Variants in RACGAP1 observed in about 807,000 individuals in gnomAD.
RACGAP1 encodes the protein Rac GTPase activating protein 1.
RACGAP1 carries 30 observed loss-of-function variants against 78.1 expected under a neutral mutation model. The observed-to-expected ratio is 0.38, with a 90% confidence interval of 0.29 to 0.52. The LOEUF is 0.52. RACGAP1 is among the 20% of genes least tolerant of loss of function. RACGAP1 has a pLI of 0.82. For missense variants in RACGAP1, 587 were observed against 777.1 expected (o/e 0.76, Z 2.91); for synonymous variants, 231 against 264.8 (o/e 0.87, Z 1.24).
chr12:50,016,039 T>A (rs1949656649), intron 2 of RACGAP1, among the ~76,000 whole-genome samples: 1 of 151,988 alleles, frequency 6.6e-6, no homozygotes, highest in Non-Finnish European at 1.5e-5. Context: ...TTTTCCCAGT[T>A]CATGGCACAG....
Position 50,004,248 on chromosome 12 carries a change from G to A in RACGAP1, c.482C>T (p.Thr161Ile). Residue 161 changes from threonine (T) to isoleucine (I), a missense_variant, in exon 5 of 17, where the codon ACT (threonine) becomes ATT (isoleucine). Transcript: ENST00000312377. The stretch of plus-strand genomic sequence containing the variant: ...AATGTTTATTACCAGTGATTCATCA[G>A]TCTTGTCAAAGCTGATATCTGATAA... Reference protein sequence around the residue: ...SILSDISFDKTDESLDWDSSL... With the variant: ...SILSDISFDKIDESLDWDSSL... 1 of 1,606,126 alleles carries A rather than the reference G, an allele frequency of 6.2e-7. No homozygotes were observed. The highest frequency in any genetic ancestry group is 8.5e-7 in the Non-Finnish European group (1 of 1,173,448).
chr12:50,004,086 T>C, intron 5 of RACGAP1, 149 bp downstream of exon 5: 1 of 1,284,824 alleles, frequency 7.8e-7, no homozygotes, highest in Non-Finnish European at 1.0e-6. Flanking sequence ...TCATGTGGAT[T>C]TATATTTTAA....
chr12:50,006,807 T>C (rs1390190868), intron 2 of RACGAP1, among the ~76,000 whole-genome samples, 171 bp from the exon 3 acceptor site: 2 of 152,208 alleles, frequency 1.3e-5, no homozygotes, highest in Non-Finnish European at 2.9e-5. Context: ...TGTTTGTCAC[T>C]CTGATGAGAA....
intron 10 of RACGAP1, among the ~76,000 whole-genome samples, chr12:49,996,355 G>T (rs186250907): frequency 6.6e-6 from 1 of 151,236 alleles, no homozygotes; most frequent in African/African-American, 2.4e-5. Context: ...ATGACCAGGC[G>T]CGGTGGCTCA....
Position 49,999,259 on chromosome 12 carries a change from G to C in RACGAP1, c.761C>G (p.Pro254Arg). The C allele has an allele frequency of 6.2e-7, 1 of 1,606,840 alleles. No individual in the cohort carries two copies. The highest frequency in any genetic ancestry group is 8.5e-7 in the Non-Finnish European group (1 of 1,178,338). Residue 254 changes from proline (P) to arginine (R), a missense_variant, in exon 9 of 17, where the codon CCT (proline) becomes CGT (arginine). Transcript: ENST00000312377. ...GTTCAGGGTGGAGTCACTGTTCCAA[G>C]GTTGTAAAGTACCTAGAAAACAAGC... ...RSRRKTGTLQ[P>R]WNSDSTLNSR... is the part of the protein sequence containing the mutation.
intron 1 of RACGAP1, chr12:50,021,298 T>C (rs530145366): frequency 1.1e-5 from 2 of 179,364 alleles, no homozygotes; most frequent in Admixed American, 6.5e-5. Context: ...AAACGATCCC[T>C]GCGTGCAGCA....
chr12:50,006,825 G>C (rs963789499), intron 2 of RACGAP1, among the ~76,000 whole-genome samples, 189 bp from the exon 3 acceptor site: 1 of 152,158 alleles, frequency 6.6e-6, no homozygotes, highest in Admixed American at 6.5e-5. Flanking sequence ...GAACTTTGTG[G>C]GTAGCAATTC....
chr12:50,023,986 C>T (rs557744175), intron 1 of RACGAP1, among the ~76,000 whole-genome samples: 1 of 151,684 alleles, frequency 6.6e-6, no homozygotes, highest in African/African-American at 2.4e-5. Context: ...ACGGTGAAAC[C>T]CCGTCTCTAC....
Position 49,990,698 on chromosome 12 carries a change from G to C in RACGAP1, c.1809C>G (p.Thr603=), listed in dbSNP as rs752638452. ...SLSQRVRSTL[T]KNTPRFGSKS... ...ATTCTGCATACCTAGGAGTGTTCTT[G>C]GTGAGGGTGGAACGGACTCTCTGTG... Residue 603 remains threonine (T), a synonymous_variant, in exon 16 of 17, where the codon ACC becomes ACG. Coordinates refer to ENST00000312377, the MANE Select transcript of RACGAP1 (RefSeq NM_001319999.2). 7 of 1,611,950 alleles carry C rather than the reference G, an allele frequency of 4.3e-6. No individual in the cohort carries two copies. The highest frequency in any genetic ancestry group is 5.9e-6 in the Non-Finnish European group (7 of 1,178,108).
chr12:50,016,091 T>C (rs1160143449), intron 2 of RACGAP1, among the ~76,000 whole-genome samples: 2 of 151,324 alleles, frequency 1.3e-5, no homozygotes, highest in Middle Eastern at 3.2e-3. Context: ...ATCTTGATAA[T>C]AAAAAAGCAG....
intron 1 of RACGAP1, among the ~76,000 whole-genome samples, chr12:50,020,787 G>A (rs1949966146): frequency 6.6e-6 from 1 of 152,136 alleles, no homozygotes; most frequent in African/African-American, 2.4e-5. Context: ...ATTTGGCCAG[G>A]TCTAGGCTTT....
chr12:49,992,746 A>C, intron 12 of RACGAP1, 91 bp from the exon 13 acceptor site: 2 of 910,738 alleles, frequency 2.2e-6, no homozygotes, highest in Non-Finnish European at 3.3e-6. Context: ...TCATCTATAC[A>C]GTAAGCTTCT....
At chr12:50,001,803 C>T (rs1352257587) in intron 6 of RACGAP1, among the ~76,000 whole-genome samples, 2 of 152,156 alleles carry the variant, frequency 1.3e-5, no homozygotes, top group East Asian at 1.9e-4. Flanking sequence ...CAGTGGCTCA[C>T]GCCTGTAATC....
chr12:50,011,780 C>A (rs1365661168), intron 2 of RACGAP1, among the ~76,000 whole-genome samples: 1 of 151,482 alleles, frequency 6.6e-6, no homozygotes, highest in Non-Finnish European at 1.5e-5. Flanking sequence ...ACGGTGAAAC[C>A]CCGTCTCTAC....
At chr12:49,995,587 A>AC (rs1453565118) in intron 10 of RACGAP1, among the ~76,000 whole-genome samples, 5 of 151,476 alleles carry the variant, frequency 3.3e-5, no homozygotes, top group Non-Finnish European at 5.9e-5. Flanking sequence ...CAACCTCCCC[A>AC]CCTCAAGCAA....
At chr12:49,995,552 G>A (rs1458099131) in intron 10 of RACGAP1, among the ~76,000 whole-genome samples, 7 of 151,780 alleles carry the variant, frequency 4.6e-5, no homozygotes, top group Non-Finnish European at 1.0e-4. Context: ...GAGTGCAGTG[G>A]TGTGATCACA....
At chr12:49,998,593 G>A (rs1298947978) in intron 9 of RACGAP1, among the ~76,000 whole-genome samples, 5 of 151,926 alleles carry the variant, frequency 3.3e-5, no homozygotes, top group Admixed American at 1.3e-4. Flanking sequence ...ATGTAAACAT[G>A]TGTCACTAAA....
chr12:49,999,388 A>G (rs2137339660), intron 8 of RACGAP1, 117 bp from the exon 9 acceptor site: 1 of 1,304,188 alleles, frequency 7.7e-7, no homozygotes, highest in Non-Finnish European at 1.0e-6. Context: ...AAAAGTGAGA[A>G]CTAATGGCTA....
chr12:50,020,463 C>T (rs1039666174), intron 1 of RACGAP1, among the ~76,000 whole-genome samples: 14 of 151,984 alleles, frequency 9.2e-5, no homozygotes, highest in African/African-American at 2.7e-4. Flanking sequence ...GGATTACAGG[C>T]GTGAGCCACC....
Sources: gnomAD v4.1 joint callset for allele counts (sites outside exome capture counted in the v4.1 genomes callset) on GRCh38, gnomAD v4.1.1 for gene constraint, MANE v1.5 for transcripts, NCBI Gene and HGNC (gene_info 2026-07-23, HGNC 2026-07-21) for gene names.